Variants in FRMPD1 observed in about 807,000 individuals in gnomAD.
FRMPD1 encodes the protein FERM and PDZ domain-containing protein 1.
FRMPD1 carries 76 observed loss-of-function variants against 117.8 expected under a neutral mutation model. The ratio of observed to expected loss-of-function variants is 0.65; its 90% CI spans 0.54 to 0.78. The LOEUF is 0.78. Among genes scored for constraint, FRMPD1 ranks in the 30% least tolerant of loss-of-function variants. The pLI is 0.00. For synonymous variants in FRMPD1, 783 were observed against 770.4 expected, an observed-to-expected ratio of 1.02 and a Z score of -0.27; for missense variants, 1,786 against 1,964.5, an observed-to-expected ratio of 0.91 and a Z score of 1.72.
Position 37,680,602 on chromosome 9 carries a change from A to C in FRMPD1, c.-4-12036A>C, listed in dbSNP as rs900082632. 3.3e-5 allele frequency among the ~76,000 whole-genome samples: 5 copies of C among 152,138 alleles called. No homozygotes were observed. The East Asian group carries it at 9.6e-4, about 29-fold the overall frequency. On this transcript the variant is annotated intron_variant, in intron 1 of 15. Transcript: ENST00000377765. ...ATTTGGGGAATGCCACCCTGGGGTG[A>C]TGGGGGTCCAGGGTGCTTTCCCACC...
Position 37,708,977 on chromosome 9 carries a change from C to A in FRMPD1, c.362+476C>A, listed in dbSNP as rs376351287. 2.0e-4 allele frequency among the ~76,000 whole-genome samples: 31 copies of A among 152,278 alleles called. No individual in the cohort carries two copies. In the East Asian group the frequency reaches 2.7e-3, roughly 13 times the overall value. ...TGTAGTTTCATTGATGTAGCACCTCCAAACCTTCTGTCTGGTGTCATTGTG... is the reference window on the plus strand; with the variant it reads ...TGTAGTTTCATTGATGTAGCACCTCAAAACCTTCTGTCTGGTGTCATTGTG... On this transcript the variant is annotated intron_variant, in intron 4 of 15. Transcript: ENST00000377765.
intron 12 of FRMPD1, 32 bp from the exon 13 acceptor site, chr9:37,735,520 A>G: frequency 6.5e-7 from 1 of 1,526,998 alleles, no homozygotes; most frequent in Non-Finnish European, 9.1e-7. Context: ...TCGCTTGCGA[A>G]TGGAGACTAA....
intron 1 of FRMPD1, among the ~76,000 whole-genome samples, chr9:37,665,932 A>T (rs1821145976): frequency 6.6e-6 from 1 of 152,146 alleles, no homozygotes; most frequent in Non-Finnish European, 1.5e-5. Context: ...TATCCTGTGG[A>T]CGTAACATTA....
Position 37,744,854 on chromosome 9 carries a change from T to C in FRMPD1, c.2822T>C (p.Ile941Thr). Residue 941 changes from isoleucine to threonine, a missense_variant, in exon 16 of 16, where the codon ATT (isoleucine) becomes ACT (threonine). Transcript: ENST00000377765. ...GTCATCGACTCTCGAGTGTCTTCTA[T>C]TTCTGCCATTCGCTTCCGGATTGAC... is the stretch of plus-strand genomic sequence containing the variant. ...KSVIDSRVSS[I>T]SAIRFRIDPN... The C allele has an allele frequency of 6.2e-7, 1 of 1,614,180 alleles. No individual in the cohort carries two copies. Among genetic ancestry groups the C allele is most frequent in the Non-Finnish European group, 8.5e-7 (1 of 1,179,992 alleles).
chr9:37,737,098 T>C lies in FRMPD1; in HGVS notation c.1404T>C (p.Val468=). 6.2e-7 allele frequency: 1 copy of C among 1,611,832 alleles called. No individual in the cohort carries two copies. Among genetic ancestry groups the C allele is most frequent in the Non-Finnish European group, 8.5e-7 (1 of 1,178,036 alleles). The part of the protein sequence containing the change: ...VVKVYLQDVK[V]LTLLLESNSA... ...GAGATTTCTATTTGCTTTCAAAGGTTCTGACTTTGCTGCTGGAATCCAACA... is the reference window on the plus strand; with the variant it reads ...GAGATTTCTATTTGCTTTCAAAGGTCCTGACTTTGCTGCTGGAATCCAACA... The change falls in exon 14 of 16, where the codon GTT becomes GTC. Residue 468 remains valine, a splice_region_variant and synonymous_variant. Transcript: ENST00000377765.
At chr9:37,682,272 G>A (rs1166249670) in intron 1 of FRMPD1, among the ~76,000 whole-genome samples, 1 of 152,200 alleles carries the variant, frequency 6.6e-6, no homozygotes, top group African/African-American at 2.4e-5. Flanking sequence ...CCCACTATGT[G>A]GGGTTGTCAT....
intron 1 of FRMPD1, among the ~76,000 whole-genome samples, chr9:37,653,258 G>A (rs1360352548): frequency 6.6e-6 from 1 of 152,188 alleles, no homozygotes; most frequent in African/African-American, 2.4e-5. Context: ...GTATAACAGT[G>A]TCTAATAGGA....
chr9:37,633,193 C>T, the FRMPD1 span, among the ~76,000 whole-genome samples: 3 of 151,914 alleles, frequency 2.0e-5, no homozygotes, highest in African/African-American at 7.3e-5. Flanking sequence ...GCACCTGCCA[C>T]CACACCTGGC....
intron 1 of FRMPD1, among the ~76,000 whole-genome samples, chr9:37,666,364 C>G (rs10973475): frequency 1.3e-5 from 2 of 152,144 alleles, no homozygotes; most frequent in African/African-American, 4.8e-5. Context: ...CACTTAAGGC[C>G]TTTGGTGATC....
intron 6 of FRMPD1, among the ~76,000 whole-genome samples, chr9:37,723,747 C>A (rs189146322): frequency 6.6e-5 from 10 of 152,124 alleles, no homozygotes; most frequent in Admixed American, 3.9e-4. Context: ...AATCCCAGCA[C>A]TTTGGGAGGC....
intron 7 of FRMPD1, 93 bp from the exon 8 acceptor site, chr9:37,729,635 T>C: frequency 7.4e-7 from 1 of 1,351,146 alleles, no homozygotes; most frequent in Non-Finnish European, 1.0e-6. Context: ...AGTGCAGGCT[T>C]TTCTCTCCCT....
At chr9:37,720,147 T>G (rs1259007314) in intron 6 of FRMPD1, among the ~76,000 whole-genome samples, 2 of 152,172 alleles carry the variant, frequency 1.3e-5, no homozygotes, top group Non-Finnish European at 2.9e-5. Flanking sequence ...GAGCACACCT[T>G]TAGATAGACT....
At chr9:37,652,443 A>G (rs1197031701) in intron 1 of FRMPD1, among the ~76,000 whole-genome samples, 1 of 152,170 alleles carries the variant, frequency 6.6e-6, no homozygotes, top group Non-Finnish European at 1.5e-5. Context: ...TTGTGCTGCA[A>G]TTAGTGGCTC....
chr9:37,639,194 A>G, the FRMPD1 span, among the ~76,000 whole-genome samples: 5 of 152,226 alleles, frequency 3.3e-5, no homozygotes, highest in Admixed American at 2.6e-4. Flanking sequence ...ACCTTGGATC[A>G]GGTTGGACAC....
chr9:37,739,243 G>A (rs1227405860), intron 14 of FRMPD1, among the ~76,000 whole-genome samples: 1 of 152,146 alleles, frequency 6.6e-6, no homozygotes, highest in Non-Finnish European at 1.5e-5. Context: ...ACTAGACTGT[G>A]CATGAGGCGC....
intron 5 of FRMPD1, among the ~76,000 whole-genome samples, chr9:37,714,169 T>C (rs552093742): frequency 3.1e-4 from 47 of 152,232 alleles, no homozygotes; most frequent in Non-Finnish European, 5.6e-4. Context: ...GAAACCAATA[T>C]GGAAACAGGG....
At chr9:37,666,513 G>A (rs896197006) in intron 1 of FRMPD1, among the ~76,000 whole-genome samples, 2 of 151,984 alleles carry the variant, frequency 1.3e-5, no homozygotes, top group Non-Finnish European at 2.9e-5. Context: ...TGCACTTTAT[G>A]CCCTTCCCCT....
chr9:37,743,080 C>G (rs181893279), intron 15 of FRMPD1, among the ~76,000 whole-genome samples: 2 of 152,340 alleles, frequency 1.3e-5, no homozygotes, highest in East Asian at 3.9e-4. Flanking sequence ...GTGCTAGGCT[C>G]TGATCCTAAT....
the FRMPD1 span, among the ~76,000 whole-genome samples, chr9:37,638,863 T>G: frequency 6.6e-6 from 1 of 152,218 alleles, no homozygotes; most frequent in Non-Finnish European, 1.5e-5. Context: ...TATCCTGATC[T>G]TCACAGTTCC....
Sources: gnomAD v4.1 joint callset for allele counts (sites outside exome capture counted in the v4.1 genomes callset) on GRCh38, gnomAD v4.1.1 for gene constraint, MANE v1.5 for transcripts, NCBI Gene and HGNC (gene_info 2026-07-23, HGNC 2026-07-21) for gene names.